The following ZNF875 variants were observed in gnomAD, a reference collection of about 807,000 sequenced individuals.
ZNF875 encodes the protein HKR1, GLI-Kruppel zinc finger family member.
Under a neutral mutation model 11.2 loss-of-function variants are expected in ZNF875, and 14 were observed. The ratio of observed to expected loss-of-function variants is 1.26; its 90% confidence interval spans 0.83 to 1.96. The LOEUF (loss-of-function observed/expected upper bound fraction) is 1.96, where lower values mean the gene tolerates loss of function less well. Ranked by LOEUF, ZNF875 falls within the 30% of genes most tolerant of loss-of-function variation. The pLI, the probability that ZNF875 is intolerant of heterozygous loss-of-function variation, is 0.00. For synonymous variants in ZNF875, 301 were observed against 281.1 expected (o/e 1.07, Z -0.71); for missense variants, 752 against 760.4 (o/e 0.99, Z 0.13).
chr19:37,359,444 G>A (rs569690676), intron 4 of ZNF875: 16 of 262,136 alleles, frequency 6.1e-5, no homozygotes, highest in African/African-American at 2.9e-4. Context: ...TTGCTCTGTT[G>A]CCAGGCTGGA....
chr19:37,330,236 T>G (rs974284293), upstream of ZNF875, among the ~76,000 whole-genome samples: 1 of 152,222 alleles, frequency 6.6e-6, no homozygotes, highest in Non-Finnish European at 1.5e-5. Context: ...ATCCTATCCA[T>G]TACCTCAAAT....
chr19:37,320,973 T>A (rs1246388143), intron 1 of ZNF875, among the ~76,000 whole-genome samples: 3 of 152,224 alleles, frequency 2.0e-5, no homozygotes, highest in African/African-American at 7.2e-5. Flanking sequence ...TTAATGGATT[T>A]AGGGCTATGC....
chr19:37,363,435 A>T lies in ZNF875; in HGVS notation c.1583A>T (p.His528Leu). Residue 528 changes from histidine (H) to leucine (L), a missense_variant, in exon 5 of 5, where the codon CAT becomes CTT. Coordinates refer to ENST00000392153, the MANE Select transcript of ZNF875 (RefSeq NM_001353803.2). Reference protein sequence around the residue: ...KSTLISHQRTHSGEKPFMCRE... With the variant: ...KSTLISHQRTLSGEKPFMCRE... ...ACCCTCATTTCACACCAGAGGACACATTCAGGGGAAAAGCCTTTTATGTGC... is the reference window on the plus strand; with the variant it reads ...ACCCTCATTTCACACCAGAGGACACTTTCAGGGGAAAAGCCTTTTATGTGC... 1 of 1,614,210 alleles carries T rather than the reference A, an allele frequency of 6.2e-7. No individual in the cohort carries two copies. The highest frequency in any genetic ancestry group is 1.1e-5 in the South Asian group (1 of 91,084).
chr19:37,355,387 A>G (rs1412928921), intron 4 of ZNF875, among the ~76,000 whole-genome samples: 2 of 152,104 alleles, frequency 1.3e-5, no homozygotes, highest in Non-Finnish European at 2.9e-5. Flanking sequence ...ACAGGGTTTC[A>G]CCATGTTAGT....
chr19:37,331,814 C>G (rs1366522956), upstream of ZNF875, among the ~76,000 whole-genome samples: 1 of 125,796 alleles, frequency 7.9e-6, no homozygotes, highest in Non-Finnish European at 1.9e-5. Flanking sequence ...ACCCCCAGCC[C>G]GACACCCGTA....
At chr19:37,332,232 C>T (rs1284104484), upstream of ZNF875, among the ~76,000 whole-genome samples, 1 of 148,534 alleles carries the variant, frequency 6.7e-6, no homozygotes, top group Non-Finnish European at 1.5e-5. Context: ...CTGGCGGGAT[C>T]CTCCATATGC....
At position 37,363,810 on chromosome 19, in the gene ZNF875, T is replaced by C. The variant is rs752516469; in HGVS notation, c.*35T>C. The C allele has an allele frequency of 7.0e-6, 11 of 1,573,460 alleles. No individual in the cohort carries two copies. The African/African-American group carries it at 1.1e-4, about 15-fold the overall frequency. ...GTGTATAGGGAATGTGGTACAGCCT[T>C]TAGCCAGGAGTCATACTTCATCAGA... is the stretch of plus-strand genomic sequence containing the variant. On this transcript the variant is annotated 3_prime_UTR_variant, in exon 5 of 5. Transcript: ENST00000392153.
At chr19:37,315,944 T>C (rs2030161113), upstream of ZNF875, among the ~76,000 whole-genome samples, 1 of 152,172 alleles carries the variant, frequency 6.6e-6, no homozygotes, top group African/African-American at 2.4e-5. Context: ...GATCAGACTT[T>C]AGGATCTGAG....
At chr19:37,361,285 A>G (rs556027559) in intron 4 of ZNF875, among the ~76,000 whole-genome samples, 2 of 151,734 alleles carry the variant, frequency 1.3e-5, no homozygotes, top group South Asian at 4.2e-4. Context: ...TAATTTTTCT[A>G]TTTTTAGTGG....
At chr19:37,326,428 C>A (rs1482645133) in intron 4 of ZNF875, among the ~76,000 whole-genome samples, 7 of 152,132 alleles carry the variant, frequency 4.6e-5, no homozygotes, top group Admixed American at 2.6e-4. Context: ...ATTTCCAATT[C>A]CTTAACATCC....
Position 37,322,702 on chromosome 19 carries a change from G to A in ZNF875, c.-699+470G>A, listed in dbSNP as rs532346054. Among the ~76,000 whole-genome samples the A allele has an allele frequency of 2.0e-5, 3 of 152,294 alleles. No individual in the cohort carries two copies. The Middle Eastern group carries it at 0.01, about 518-fold the overall frequency. On this transcript the variant is annotated intron_variant, in intron 2 of 5. Transcript: ENST00000544914. ...GCCTGGCCCTTGTCTGGTTGTTGCT[G>A]CTCTAACTTTGCCCTGTTAATTGAA...
intron 1 of ZNF875, among the ~76,000 whole-genome samples, chr19:37,321,215 G>C (rs1243895563): frequency 6.6e-6 from 1 of 152,132 alleles, no homozygotes; most frequent in East Asian, 1.9e-4. Context: ...TAAAGGGTCC[G>C]TGGTGAGGAG....
At chr19:37,333,708 G>A (rs1267932855), upstream of ZNF875, among the ~76,000 whole-genome samples, 1 of 152,016 alleles carries the variant, frequency 6.6e-6, no homozygotes, top group African/African-American at 2.4e-5. Flanking sequence ...GGACTTTCTG[G>A]CTGCTTGATG....
rs750646776 is a variant in ZNF875, at chr19:37,363,830, A to G, written c.*55A>G. On this transcript the variant is annotated 3_prime_UTR_variant, in exon 5 of 5. Coordinates refer to ENST00000392153, the MANE Select transcript of ZNF875 (RefSeq NM_001353803.2). ...AGCCTTTAGCCAGGAGTCATACTTC[A>G]TCAGACACCAGAGGACACACACAGT... 6.9e-7 allele frequency: 1 copy of G among 1,449,202 alleles called. No homozygotes were observed. Among genetic ancestry groups the G allele is most frequent in the Non-Finnish European group, 9.6e-7 (1 of 1,039,680 alleles). 89.8% of individuals were successfully genotyped at this position (1,449,202 alleles called of 1,614,324 possible).
chr19:37,332,347 G>A (rs956547079), upstream of ZNF875, among the ~76,000 whole-genome samples: 1 of 151,596 alleles, frequency 6.6e-6, no homozygotes, highest in East Asian at 1.9e-4. Flanking sequence ...ACACCCACAG[G>A]TGTGTAGGGG....
rs2146783954 is a variant in ZNF875 at position 37,364,316 on chromosome 19, A to G, written c.*541A>G. On this transcript the variant is annotated 3_prime_UTR_variant, in exon 5 of 5. Coordinates refer to ENST00000392153, the MANE Select transcript of ZNF875 (RefSeq NM_001353803.2). ...ACGTGTATTCCCCTATTCTGAGCCC[A>G]TAAAAGACCCAGACTCAGCTGCAGT... 1 of 153,932 alleles carries G rather than the reference A, an allele frequency of 6.5e-6. No individual in the cohort carries two copies. The highest frequency in any genetic ancestry group is 2.1e-4 in the South Asian group (1 of 4,874). The allele number at this position is 153,932 out of a possible 1,614,324, so 9.5% of individuals were successfully genotyped here.
upstream of ZNF875, chr19:37,315,290 T>C (rs1440572111): frequency 6.6e-6 from 1 of 152,190 alleles, no homozygotes; most frequent in Non-Finnish European, 1.5e-5. Flanking sequence ...AAAAGGGAAA[T>C]GATTGATTTC....
chr19:37,329,557 A>G (rs1466205450), intron 4 of ZNF875, among the ~76,000 whole-genome samples: 1 of 152,016 alleles, frequency 6.6e-6, no homozygotes, highest in Non-Finnish European at 1.5e-5. Context: ...TGTGAACATA[A>G]GAAGTCTGCA....
At chr19:37,321,567 C>T (rs946485741) in intron 1 of ZNF875, among the ~76,000 whole-genome samples, 2 of 152,132 alleles carry the variant, frequency 1.3e-5, no homozygotes, top group African/African-American at 2.4e-5. Flanking sequence ...GCGCCAGTCC[C>T]CTGGGCCCAC....
Sources: gnomAD v4.1 joint callset for allele counts (sites outside exome capture counted in the v4.1 genomes callset) on GRCh38, gnomAD v4.1.1 for gene constraint, MANE v1.5 for transcripts, NCBI Gene and HGNC (gene_info 2026-07-23, HGNC 2026-07-21) for gene names.